The following OLA1 variants were observed in gnomAD, a reference collection of about 807,000 sequenced individuals.
OLA1 encodes the protein Obg like ATPase 1, also known as obg-like ATPase 1.
In OLA1, 14 loss-of-function variants were observed where a neutral mutation model predicts 48.4. That is an observed-to-expected ratio of 0.29 (90% confidence interval 0.19 to 0.45). The LOEUF (loss-of-function observed/expected upper bound fraction) is 0.45. OLA1 is among the 20% of genes least tolerant of loss of function. OLA1 has a pLI of 1.00. For synonymous variants in OLA1, 127 were observed against 150.4 expected, an observed-to-expected ratio of 0.84 and a Z score of 1.14; for missense variants, 325 against 467.1, an observed-to-expected ratio of 0.70 and a Z score of 2.80.
Position 174,126,261 on chromosome 2 carries a change from T to C in OLA1, c.550-2586A>G, listed in dbSNP as rs148349525. On this transcript the variant is annotated intron_variant, in intron 5 of 10. Transcript: ENST00000284719. ...GATTGAATTTATTTCCTTATGTTCA[T>C]ATATATAAATACATATATAAATAAC... is the stretch of plus-strand genomic sequence containing the variant. 8.0e-3 allele frequency among the ~76,000 whole-genome samples: 1,213 copies of C among 152,204 alleles called. 17 individuals carry two copies. The highest frequency in any genetic ancestry group is 0.028 in the African/African-American group (1,143 of 41,548).
rs556019222 is a variant in OLA1 at position 174,236,735 on chromosome 2, C to T, written c.102-7284G>A. ...TTGCTTCTAGGCTAAACCTGTACAG[C>T]ATGTTACTGTACTGAACACTGTAGA... On this transcript the variant is annotated intron_variant, in intron 2 of 10. Transcript: ENST00000284719. 5.3e-5 allele frequency among the ~76,000 whole-genome samples: 8 copies of T among 152,310 alleles called. No individual in the cohort carries two copies. The South Asian group carries it at 1.7e-3, about 32-fold the overall frequency.
intron 4 of OLA1, among the ~76,000 whole-genome samples, chr2:174,164,169 T>A (rs1558984847): frequency 6.6e-6 from 1 of 152,090 alleles, no homozygotes; most frequent in Admixed American, 6.5e-5. Context: ...CTCAGCCTCA[T>A]GCAGAACTGT....
At chr2:174,240,330 C>T (rs1688967738) in intron 2 of OLA1, 1 of 152,166 alleles carries the variant, frequency 6.6e-6, no homozygotes, top group African/African-American at 2.4e-5. Flanking sequence ...GACACTGGAT[C>T]ACCACTGTGG....
At chr2:174,228,301 A>C (rs997554759) in intron 3 of OLA1, among the ~76,000 whole-genome samples, 4 of 152,184 alleles carry the variant, frequency 2.6e-5, no homozygotes, top group African/African-American at 9.6e-5. Context: ...CATTCATATA[A>C]TATAGCAATA....
intron 4 of OLA1, among the ~76,000 whole-genome samples, chr2:174,211,681 A>G (rs1274892813): frequency 1.3e-5 from 2 of 152,198 alleles, no homozygotes; most frequent in African/African-American, 4.8e-5. Flanking sequence ...TTTTTCAGAA[A>G]TCTATCAATA....
intron 4 of OLA1, among the ~76,000 whole-genome samples, chr2:174,167,403 C>G (rs775082716): frequency 2.0e-5 from 3 of 152,168 alleles, no homozygotes; most frequent in Non-Finnish European, 2.9e-5. Context: ...TGGTGAAACC[C>G]TGTCTCTACT....
intron 7 of OLA1, among the ~76,000 whole-genome samples, chr2:174,082,487 GCC>G (rs1684878724): frequency 6.6e-6 from 1 of 152,056 alleles, no homozygotes; most frequent in Non-Finnish European, 1.5e-5. Context: ...ATTCTGAAGA[GCC>G]CTTCACAAAT....
chr2:174,158,471 G>A (rs769404525), intron 4 of OLA1, among the ~76,000 whole-genome samples: 2 of 151,656 alleles, frequency 1.3e-5, no homozygotes, highest in African/African-American at 4.9e-5. Flanking sequence ...TTTCTTTCCT[G>A]CTTTATGCCA....
At position 174,142,145 on chromosome 2, in the gene OLA1, T is replaced by C. The variant is rs1033441518; in HGVS notation, c.374-145A>G. ...CTTGGCAAGTAGGATATAGCATTTT[T>C]CCCCCATTTAGTAATACTGAGGCTA... On this transcript the variant is annotated intron_variant, in intron 4 of 10. Transcript: ENST00000284719. The C allele has an allele frequency of 1.0e-4, 70 of 703,208 alleles. 1 individual carries two copies. Among genetic ancestry groups the C allele is most frequent in the East Asian group, 8.8e-4 (30 of 33,916 alleles). 43.6% of individuals were successfully genotyped at this position (703,208 alleles called of 1,614,324 possible). A position where few individuals can be genotyped will look rare whatever the true frequency, so the allele number is the denominator to read the frequency against.
intron 2 of OLA1, among the ~76,000 whole-genome samples, chr2:174,235,189 C>T (rs1688820230): frequency 1.3e-5 from 2 of 151,988 alleles, no homozygotes; most frequent in African/African-American, 4.8e-5. Context: ...AAACGTAAAA[C>T]CCATTAATCT....
intron 7 of OLA1, among the ~76,000 whole-genome samples, chr2:174,092,817 C>G (rs1263175966): frequency 6.6e-6 from 1 of 151,958 alleles, no homozygotes; most frequent in South Asian, 2.1e-4. Flanking sequence ...CACAACAGGA[C>G]CTGGGGAGGC....
At chr2:174,082,610 G>A (rs1684881927) in intron 7 of OLA1, among the ~76,000 whole-genome samples, 1 of 152,104 alleles carries the variant, frequency 6.6e-6, no homozygotes, top group Non-Finnish European at 1.5e-5. Context: ...GCCAGAACAA[G>A]CACGTGCAGA....
chr2:174,082,164 C>A (rs72920511), intron 7 of OLA1, 100 bp from the exon 8 acceptor site: 4 of 1,309,034 alleles, frequency 3.1e-6, no homozygotes, highest in Non-Finnish European at 3.2e-6. Flanking sequence ...AAGAATTGCA[C>A]GGTTTTATGA....
At chr2:174,149,887 A>T (rs1422259704) in intron 4 of OLA1, among the ~76,000 whole-genome samples, 1 of 152,222 alleles carries the variant, frequency 6.6e-6, no homozygotes, top group Non-Finnish European at 1.5e-5. Context: ...AAACAAAAAT[A>T]TACTTTGGAA....
At chr2:174,128,736 CAA>C (rs55808846) in intron 5 of OLA1, among the ~76,000 whole-genome samples, 148 of 131,110 alleles carry the variant, frequency 1.1e-3, no homozygotes, top group South Asian at 1.4e-3. Context: ...AAACTTGTCT[CAA>C]AAAAAAAAAA....
intron 4 of OLA1, among the ~76,000 whole-genome samples, chr2:174,211,390 C>T (rs1362346160): frequency 2.6e-5 from 4 of 152,194 alleles, no homozygotes; most frequent in East Asian, 1.9e-4. Context: ...GGTAGAACCA[C>T]CATGATTAGC....
intron 4 of OLA1, among the ~76,000 whole-genome samples, chr2:174,154,251 G>T (rs980237464): frequency 4.6e-5 from 7 of 152,098 alleles, no homozygotes; most frequent in Non-Finnish European, 5.9e-5. Context: ...TTTACCCTTT[G>T]CAATAGCCAT....
intron 5 of OLA1, among the ~76,000 whole-genome samples, chr2:174,128,761 TAAAC>T (rs765640112): frequency 3.6e-4 from 54 of 150,404 alleles, no homozygotes; most frequent in Non-Finnish European, 6.5e-4. Context: ...TAAAATAAAA[TAAAC>T]AAAGAAAATC....
intron 7 of OLA1, among the ~76,000 whole-genome samples, chr2:174,103,710 A>G (rs1307585345): frequency 2.6e-5 from 4 of 152,200 alleles, no homozygotes; most frequent in Non-Finnish European, 5.9e-5. Context: ...AGCATTGGAA[A>G]TACAAAATGA....
Sources: allele counts gnomAD v4.1 joint callset (sites outside exome capture counted in the v4.1 genomes callset), GRCh38; gene constraint gnomAD v4.1.1; transcripts MANE v1.5; gene names NCBI Gene and HGNC (gene_info 2026-07-23, HGNC 2026-07-21).